BLTP1: variants seen among roughly 807,000 people sequenced by gnomAD.
BLTP1 encodes fragile site-associated protein.
chr4:122,153,063 TGCAC>T, the BLTP1 span: 6 of 982,852 alleles, frequency 6.1e-6, no homozygotes, highest in Middle Eastern at 5.2e-4. Context: ...CTTGCTGCAC[TGCAC>T]TCTAGAAGAC....
chr4:122,268,577 A>C, the BLTP1 span, among the ~76,000 whole-genome samples: 1 of 152,122 alleles, frequency 6.6e-6, no homozygotes, highest in African/African-American at 2.4e-5. Context: ...AGAGTGTCTC[A>C]AACAGTGGAA....
chr4:122,322,815 G>A, the BLTP1 span, among the ~76,000 whole-genome samples: 2 of 152,088 alleles, frequency 1.3e-5, no homozygotes, highest in African/African-American at 2.4e-5. Flanking sequence ...GTTATACTCT[G>A]ATAATATTCC....
the BLTP1 span, chr4:122,350,428 T>A: frequency 1.0e-6 from 1 of 979,588 alleles, no homozygotes. Context: ...TTATTTTCAC[T>A]TAGCAATTCA....
the BLTP1 span, chr4:122,356,588 C>T: frequency 1.4e-5 from 22 of 1,601,148 alleles, no homozygotes; most frequent in Non-Finnish European, 1.7e-5. Context: ...GAAGATGACT[C>T]ATTTTATTAA....
At chr4:122,291,915 G>A in the BLTP1 span, 24 of 690,298 alleles carry the variant, frequency 3.5e-5, no homozygotes, top group Non-Finnish European at 4.3e-5. Flanking sequence ...TCAAGGTTGT[G>A]ATAGGCAAAC....
the BLTP1 span, among the ~76,000 whole-genome samples, chr4:122,165,520 C>A: frequency 9.1e-5 from 12 of 131,596 alleles, 3 homozygotes; most frequent in Admixed American, 6.7e-4. Context: ...GTGAATAGTG[C>A]CGCAATAAAC....
chr4:122,159,362 C>G, the BLTP1 span, among the ~76,000 whole-genome samples: 1 of 151,668 alleles, frequency 6.6e-6, no homozygotes, highest in Non-Finnish European at 1.5e-5. Context: ...ACTCGGGAGG[C>G]TGAGGCAGGA....
At chr4:122,168,454 A>G in the BLTP1 span, among the ~76,000 whole-genome samples, 2 of 152,208 alleles carry the variant, frequency 1.3e-5, no homozygotes, top group Non-Finnish European at 2.9e-5. Flanking sequence ...AATCTGTAGA[A>G]TGGTAAAAAT....
chr4:122,201,197 CT>C, the BLTP1 span: 1 of 1,213,312 alleles, frequency 8.2e-7, no homozygotes, highest in African/African-American at 2.0e-5. Flanking sequence ...ATAAGTTTTA[CT>C]TTTAAATTAC....
At chr4:122,226,910 T>C in the BLTP1 span, 5 of 1,139,354 alleles carry the variant, frequency 4.4e-6, no homozygotes, top group Admixed American at 1.1e-4. Context: ...GATATCAGCT[T>C]CAAGTCAAAT....
At chr4:122,200,446 C>T in the BLTP1 span, 3 of 527,190 alleles carry the variant, frequency 5.7e-6, no homozygotes, top group South Asian at 8.2e-5. Flanking sequence ...GGTGTGATGG[C>T]GCGCATGCCT....
chr4:122,183,379 G>A, the BLTP1 span: 1 of 945,134 alleles, frequency 1.1e-6, no homozygotes, highest in African/African-American at 1.8e-5. Context: ...TTTACATTCT[G>A]CACTCTAGAA....
chr4:122,337,012 C>G, the BLTP1 span: 1 of 1,605,104 alleles, frequency 6.2e-7, no homozygotes, highest in Non-Finnish European at 8.5e-7. Flanking sequence ...GGTTTATGTA[C>G]GAGTTCAGGT....
the BLTP1 span, chr4:122,272,305 G>C: frequency 1.2e-6 from 2 of 1,613,222 alleles, no homozygotes; most frequent in Non-Finnish European, 1.7e-6. Flanking sequence ...GGATTGGCAT[G>C]GTGAACCGCA....
chr4:122,274,472 G>A, the BLTP1 span: 2 of 1,570,146 alleles, frequency 1.3e-6, no homozygotes, highest in Middle Eastern at 1.7e-4. Flanking sequence ...TACACTTATA[G>A]TTTTAGACAA....
At chr4:122,279,865 A>T in the BLTP1 span, 3 of 1,614,146 alleles carry the variant, frequency 1.9e-6, no homozygotes, top group Non-Finnish European at 2.5e-6. Context: ...TGTTCAAAGT[A>T]GGAGCTATCA....
the BLTP1 span, among the ~76,000 whole-genome samples, chr4:122,256,317 A>G: frequency 6.6e-6 from 1 of 152,194 alleles, no homozygotes; most frequent in Non-Finnish European, 1.5e-5. Context: ...TGGGAAATCT[A>G]CAGTTTAAGC....
At chr4:122,255,099 ACT>A in the BLTP1 span, 1 of 1,577,172 alleles carries the variant, frequency 6.3e-7, no homozygotes, top group Non-Finnish European at 8.7e-7. Flanking sequence ...CATACCTATC[ACT>A]CTAAATCTAT....
chr4:122,310,100 GAA>G, the BLTP1 span, among the ~76,000 whole-genome samples: 4 of 151,972 alleles, frequency 2.6e-5, no homozygotes. Flanking sequence ...AAAAGGTTAT[GAA>G]CTAAAATTCC....
Sources: gnomAD v4.1 joint callset for allele counts (sites outside exome capture counted in the v4.1 genomes callset) on GRCh38, gnomAD v4.1.1 for gene constraint, MANE v1.5 for transcripts, NCBI Gene and HGNC (gene_info 2026-07-23, HGNC 2026-07-21) for gene names.